NIM1K: variants seen among roughly 807,000 people sequenced by gnomAD.
The protein encoded by NIM1K is NIM1 serine/threonine protein kinase.
Under a neutral mutation model 37.1 loss-of-function variants are expected in NIM1K, and 35 were observed. The ratio of observed to expected loss-of-function variants is 0.94; its 90% CI spans 0.72 to 1.25. NIM1K has a LOEUF of 1.25. Among genes scored for constraint, NIM1K ranks in the 50% most tolerant of loss-of-function variants. The probability of loss-of-function intolerance (pLI) is 0.00; values close to 1 mark genes in which losing one functional copy is unlikely to be tolerated. For synonymous variants in NIM1K, 234 were observed against 206.6 expected, an observed-to-expected ratio of 1.13 and a Z score of -1.14; for missense variants, 564 against 548.0, an observed-to-expected ratio of 1.03 and a Z score of -0.29.
intron 1 of NIM1K, among the ~76,000 whole-genome samples, chr5:43,200,097 T>G (rs1473832738): frequency 6.6e-6 from 1 of 152,156 alleles, no homozygotes; most frequent in Non-Finnish European, 1.5e-5. Context: ...GGTCTCGAAC[T>G]CCTGACCTCA....
rs935805464 is a variant in NIM1K at position 43,193,522 on chromosome 5, C to G, written c.-695+1111C>G. On this transcript the variant is annotated intron_variant, in intron 1 of 3. Transcript: ENST00000326035. ...GAATGAATCACATTCTAAGCTCTTA[C>G]CCGTGCAGTTCTGACAAGTTTGGAA... The G allele has an allele frequency of 4.2e-5, 6 of 141,898 alleles. No individual in the cohort carries two copies. In the Admixed American group the frequency reaches 4.3e-4, roughly 10 times the overall value. 8.8% of individuals were successfully genotyped at this position (141,898 alleles called of 1,614,324 possible). A position where few individuals can be genotyped will look rare whatever the true frequency, so the allele number is the denominator to read the frequency against.
At chr5:43,206,836 A>C (rs1752120476) in intron 1 of NIM1K, 2 of 767,554 alleles carry the variant, frequency 2.6e-6, no homozygotes, top group Admixed American at 3.4e-5. Context: ...ACCTGGAAGG[A>C]CCATGGCTAT....
chr5:43,260,760 C>A (rs1054673327), intron 2 of NIM1K, among the ~76,000 whole-genome samples: 1 of 152,116 alleles, frequency 6.6e-6, no homozygotes. Flanking sequence ...TCCCTCCCCC[C>A]TTCCCCCACC....
chr5:43,275,862 C>T (rs1009739844), intron 2 of NIM1K, among the ~76,000 whole-genome samples: 2 of 150,836 alleles, frequency 1.3e-5, no homozygotes, highest in Admixed American at 1.3e-4. Flanking sequence ...AAGCCATTCT[C>T]GCATTTCTAT....
At chr5:43,215,719 C>A (rs1752290094) in intron 1 of NIM1K, among the ~76,000 whole-genome samples, 1 of 152,226 alleles carries the variant, frequency 6.6e-6, no homozygotes, top group African/African-American at 2.4e-5. Context: ...CAGGCATGAG[C>A]CACCATGCCT....
chr5:43,213,165 TTTTCTTTCTTTCTTTCTTTC>T lies in NIM1K; in HGVS notation c.-695+20795_-695+20814del, dbSNP rs70994607. 3.1e-3 allele frequency among the ~76,000 whole-genome samples: 123 copies of T among 39,126 alleles called. 1 individual carries two copies. The highest frequency in any genetic ancestry group is 8.1e-3 in the Admixed American group (32 of 3,934). 25.7% of individuals were successfully genotyped at this position (39,126 alleles called of 152,430 possible). A position where few individuals can be genotyped will look rare whatever the true frequency, so the allele number is the denominator to read the frequency against. ...AAATCTCCATTTTCTTTCTTTCTTT[TTTTCTTTCTTTCTTTCTTTC>T]TTTCTTTCTTTCTTTCTTTCTTTCT... On this transcript the variant is annotated intron_variant, in intron 1 of 3. Coordinates refer to ENST00000326035, the MANE Select transcript of NIM1K (RefSeq NM_153361.4).
chr5:43,264,269 G>A (rs967513512), intron 2 of NIM1K, among the ~76,000 whole-genome samples: 1 of 152,116 alleles, frequency 6.6e-6, no homozygotes, highest in Non-Finnish European at 1.5e-5. Context: ...TCTCTTTGTA[G>A]GTCTCTATGG....
intron 1 of NIM1K, among the ~76,000 whole-genome samples, chr5:43,203,546 C>G (rs1752064855): frequency 1.3e-5 from 2 of 152,292 alleles, no homozygotes; most frequent in Admixed American, 1.3e-4. Flanking sequence ...GTGCTGGAGT[C>G]TCTGAGCCTA....
chr5:43,207,126 C>G (rs1313615033), intron 1 of NIM1K: 1 of 721,246 alleles, frequency 1.4e-6, no homozygotes, highest in African/African-American at 1.7e-5. Context: ...GAAGATTCAT[C>G]TTATCAAAAT....
At chr5:43,260,768 A>C (rs1200038172) in intron 2 of NIM1K, among the ~76,000 whole-genome samples, 1 of 150,390 alleles carries the variant, frequency 6.6e-6, no homozygotes, top group African/African-American at 2.5e-5. Flanking sequence ...CCCTTCCCCC[A>C]CCCGACGACA....
intron 2 of NIM1K, among the ~76,000 whole-genome samples, chr5:43,255,159 ACT>A (rs1382670496): frequency 6.6e-6 from 1 of 152,162 alleles, no homozygotes; most frequent in Admixed American, 6.5e-5. Context: ...GATTATGAAG[ACT>A]CTGTGGTAAC....
intron 2 of NIM1K, among the ~76,000 whole-genome samples, chr5:43,250,042 CG>C (rs778880472): frequency 2.0e-5 from 3 of 151,390 alleles, no homozygotes; most frequent in Admixed American, 6.6e-5. Context: ...TTAGTAGAGA[CG>C]GGGTTTCACC....
intron 1 of NIM1K, among the ~76,000 whole-genome samples, chr5:43,213,307 TTTCTTTTCTTTTC>T (rs1752246593): frequency 1.4e-5 from 2 of 140,008 alleles, no homozygotes; most frequent in East Asian, 4.4e-4. Context: ...TTTCTTTTCT[TTTCTTTTCTTTTC>T]TTTTCTTTTC....
At chr5:43,246,956 C>T (rs995880202) in intron 2 of NIM1K, among the ~76,000 whole-genome samples, 3 of 152,148 alleles carry the variant, frequency 2.0e-5, no homozygotes, top group Admixed American at 6.5e-5. Flanking sequence ...TCTACCGTCT[C>T]CCTAGAGTCC....
At chr5:43,266,308 G>C (rs1753157120) in intron 2 of NIM1K, among the ~76,000 whole-genome samples, 1 of 152,208 alleles carries the variant, frequency 6.6e-6, no homozygotes, top group Admixed American at 6.5e-5. Flanking sequence ...ACCTACTCAA[G>C]CCTCAGCAAT....
intron 1 of NIM1K, among the ~76,000 whole-genome samples, chr5:43,243,451 T>G (rs1752733750): frequency 1.3e-5 from 2 of 149,006 alleles, no homozygotes; most frequent in African/African-American, 4.9e-5. Flanking sequence ...GGGTGAGGGT[T>G]TTTTTTTTTT....
intron 1 of NIM1K, among the ~76,000 whole-genome samples, chr5:43,241,401 C>G (rs754277800): frequency 6.6e-6 from 1 of 150,746 alleles, no homozygotes; most frequent in Non-Finnish European, 1.5e-5. Context: ...GCTATCTCGG[C>G]ACTCGGCACT....
At chr5:43,230,077 C>T (rs958326624) in intron 1 of NIM1K, among the ~76,000 whole-genome samples, 2 of 152,112 alleles carry the variant, frequency 1.3e-5, no homozygotes, top group African/African-American at 2.4e-5. Context: ...CTTCAAACAA[C>T]CCAGAAACAA....
chr5:43,200,592 G>A (rs1379722266), intron 1 of NIM1K, among the ~76,000 whole-genome samples: 2 of 152,004 alleles, frequency 1.3e-5, no homozygotes, highest in Non-Finnish European at 2.9e-5. Context: ...GAGCCACTGC[G>A]CCCGGCCAGT....
Sources: gnomAD v4.1 joint callset for allele counts (sites outside exome capture counted in the v4.1 genomes callset) on GRCh38, gnomAD v4.1.1 for gene constraint, MANE v1.5 for transcripts, NCBI Gene and HGNC (gene_info 2026-07-23, HGNC 2026-07-21) for gene names.